The following ARHGAP15 variants were observed in gnomAD, a reference collection of about 807,000 sequenced individuals.
ARHGAP15 encodes the protein rho GTPase-activating protein 15.
In ARHGAP15, 51 loss-of-function variants were observed where a neutral mutation model predicts 63.7. That is an observed-to-expected ratio of 0.80 (90% CI 0.64 to 1.01). The LOEUF (loss-of-function observed/expected upper bound fraction) is 1.01, where lower values mean the gene tolerates loss of function less well. ARHGAP15 is among the 50% of genes least tolerant of loss of function. ARHGAP15 has a pLI of 0.00. For missense variants in ARHGAP15, 560 were observed against 564.6 expected (o/e 0.99, Z 0.08); for synonymous variants, 191 against 193.8 (o/e 0.99, Z 0.12).
chr2:143,332,972 T>TG (rs1008365970), intron 6 of ARHGAP15, among the ~76,000 whole-genome samples: 2 of 100,900 alleles, frequency 2.0e-5, no homozygotes, highest in African/African-American at 8.4e-5. Flanking sequence ...ACATTTAAAA[T>TG]GAAAAAAAAA....
chr2:143,334,212 C>T (rs1257974341), intron 6 of ARHGAP15, among the ~76,000 whole-genome samples: 2 of 152,138 alleles, frequency 1.3e-5, no homozygotes, highest in Non-Finnish European at 2.9e-5. Context: ...AATCACAGAT[C>T]TCTCTAATTT....
At chr2:143,323,850 G>C (rs554422629) in intron 6 of ARHGAP15, among the ~76,000 whole-genome samples, 5 of 115,540 alleles carry the variant, frequency 4.3e-5, no homozygotes, top group African/African-American at 1.7e-4. Flanking sequence ...AGCCGAGATC[G>C]CACCACTGCA....
chr2:143,396,284 T>G (rs1202161743), intron 6 of ARHGAP15, among the ~76,000 whole-genome samples: 1 of 152,030 alleles, frequency 6.6e-6, no homozygotes, highest in Non-Finnish European at 1.5e-5. Context: ...TTCCAGAAAA[T>G]TCTTCCATTT....
At chr2:143,281,399 T>A (rs1681842650) in intron 6 of ARHGAP15, among the ~76,000 whole-genome samples, 1 of 152,146 alleles carries the variant, frequency 6.6e-6, no homozygotes, top group South Asian at 2.1e-4. Flanking sequence ...GCAAGATGAG[T>A]TTTATATTAG....
At chr2:143,527,179 A>G (rs888155309) in intron 10 of ARHGAP15, among the ~76,000 whole-genome samples, 1 of 152,112 alleles carries the variant, frequency 6.6e-6, no homozygotes, top group Non-Finnish European at 1.5e-5. Flanking sequence ...AGCATTAATC[A>G]ATTAGTCTAC....
chr2:143,454,753 C>G (rs761904466), intron 8 of ARHGAP15, among the ~76,000 whole-genome samples: 27 of 151,988 alleles, frequency 1.8e-4, no homozygotes, highest in Non-Finnish European at 2.2e-4. Context: ...TTAAAATGCT[C>G]TATATCTGGT....
chr2:143,609,665 GT>G (rs1698178312), intron 11 of ARHGAP15, among the ~76,000 whole-genome samples: 1 of 152,118 alleles, frequency 6.6e-6, no homozygotes, highest in South Asian at 2.1e-4. Context: ...GGATTGATGT[GT>G]TTGTAATCTT....
intron 6 of ARHGAP15, among the ~76,000 whole-genome samples, chr2:143,291,319 A>T (rs1252474330): frequency 6.6e-6 from 1 of 152,008 alleles, no homozygotes; most frequent in Non-Finnish European, 1.5e-5. Flanking sequence ...ATTAGACACT[A>T]CCTGTCCCAA....
chr2:143,396,559 C>T (rs549447001), intron 6 of ARHGAP15, among the ~76,000 whole-genome samples: 10 of 151,066 alleles, frequency 6.6e-5, no homozygotes, highest in Admixed American at 2.6e-4. Flanking sequence ...TTATTGTGTG[C>T]GTGTGTGTTT....
At chr2:143,540,253 T>G (rs1465285659) in intron 10 of ARHGAP15, among the ~76,000 whole-genome samples, 2 of 152,180 alleles carry the variant, frequency 1.3e-5, no homozygotes, top group Non-Finnish European at 2.9e-5. Context: ...CTCCGTCCCT[T>G]TATTTTGAGC....
chr2:143,260,145 C>T (rs753851372), intron 6 of ARHGAP15, among the ~76,000 whole-genome samples: 2 of 152,050 alleles, frequency 1.3e-5, no homozygotes, highest in African/African-American at 2.4e-5. Context: ...CTCAGAAACT[C>T]GTAATCCTTC....
At chr2:143,330,103 A>AAAAAAAAAAAAAAAAAC (rs1684450643) in intron 6 of ARHGAP15, among the ~76,000 whole-genome samples, 1 of 77,062 alleles carries the variant, frequency 1.3e-5, no homozygotes, top group Non-Finnish European at 2.5e-5. Flanking sequence ...TCAAAAAAAA[A>AAAAAAAAAAAAAAAAAC]AAAAAAAAAA....
intron 13 of ARHGAP15, among the ~76,000 whole-genome samples, chr2:143,751,498 T>A (rs1045252040): frequency 6.6e-6 from 1 of 151,956 alleles, no homozygotes. Flanking sequence ...GAGAAGCAGC[T>A]CCCCCAGGAC....
At chr2:143,661,309 C>T (rs957877232) in intron 12 of ARHGAP15, among the ~76,000 whole-genome samples, 1 of 152,154 alleles carries the variant, frequency 6.6e-6, no homozygotes, top group East Asian at 1.9e-4. Flanking sequence ...GGGCCATCAT[C>T]ATTGAAGGTC....
chr2:143,635,038 T>C (rs1009663013), intron 12 of ARHGAP15, among the ~76,000 whole-genome samples: 1 of 151,912 alleles, frequency 6.6e-6, no homozygotes, highest in African/African-American at 2.4e-5. Context: ...ATGTTATCAG[T>C]TGAACACAGG....
At chr2:143,508,920 A>G (rs12621600) in intron 9 of ARHGAP15, among the ~76,000 whole-genome samples, 34,597 of 152,156 alleles carry the variant, frequency 0.23, 4,862 homozygotes, top group East Asian at 0.61. Flanking sequence ...GAGTGAAACT[A>G]TGAAAACTGA....
intron 12 of ARHGAP15, among the ~76,000 whole-genome samples, chr2:143,665,698 C>G (rs13004767): frequency 0.054 from 7,931 of 146,150 alleles, 314 homozygotes; most frequent in South Asian, 0.081. Flanking sequence ...TCTCCTTAAG[C>G]TGATAAGCAA....
At chr2:143,402,706 A>T (rs905089986) in intron 6 of ARHGAP15, among the ~76,000 whole-genome samples, 2 of 151,870 alleles carry the variant, frequency 1.3e-5, no homozygotes, top group African/African-American at 4.8e-5. Flanking sequence ...TACTAAAAAA[A>T]GATTTACAAA....
chr2:143,491,663 A>T (rs1692585060), intron 9 of ARHGAP15, among the ~76,000 whole-genome samples: 1 of 152,106 alleles, frequency 6.6e-6, no homozygotes, highest in African/African-American at 2.4e-5. Flanking sequence ...AAAAGGTACC[A>T]CTTTGAACAG....
Sources: allele counts gnomAD v4.1 joint callset (sites outside exome capture counted in the v4.1 genomes callset), GRCh38; gene constraint gnomAD v4.1.1; transcripts MANE v1.5; gene names NCBI Gene and HGNC (gene_info 2026-07-23, HGNC 2026-07-21).